The following PPM1M variants were observed in gnomAD, a reference collection of about 807,000 sequenced individuals.
PPM1M encodes protein phosphatase, Mg2+/Mn2+ dependent 1M.
A neutral mutation model predicts 50.8 loss-of-function variants in PPM1M; 44 were observed. That is an observed-to-expected ratio of 0.87 (90% CI 0.68 to 1.11). PPM1M has a LOEUF of 1.11. Ranked by LOEUF, PPM1M falls within the 50% of genes most tolerant of loss-of-function variation. The probability of loss-of-function intolerance (pLI) is 0.00; values close to 1 mark genes in which losing one functional copy is unlikely to be tolerated. For missense variants in PPM1M, 556 were observed against 593.4 expected (o/e 0.94, Z 0.66); for synonymous variants, 224 against 242.9 (o/e 0.92, Z 0.72).
rs908274902 is a variant in PPM1M at position 52,245,990 on chromosome 3, C to G, written c.166C>G (p.Arg56Gly). 1 of 1,244,900 alleles carries G rather than the reference C, an allele frequency of 8.0e-7. No homozygotes were observed. Among genetic ancestry groups the G allele is most frequent in the South Asian group, 1.3e-5 (1 of 75,646 alleles). The allele number at this position is 1,244,900 out of a possible 1,614,324, so 77.1% of individuals were successfully genotyped here. ...CGACGCCTCGCGCCGCCCAGACTCC[C>G]GGCCCGTGCGCAGCCCCGCACGAGG... ...AADASRRPDS[R>G]PVRSPARGRT... The change falls in exon 1 of 10, where the codon CGG becomes GGG. Residue 56 changes from arginine (R) to glycine (G), a missense_variant. By Grantham distance (125) the Arg-to-Gly change is moderately radical (BLOSUM62 -2). Coordinates refer to ENST00000323588, the MANE Select transcript of PPM1M (RefSeq NM_144641.4). The surrounding 1 kb of genome is among the most constrained non-coding windows in gnomAD (Gnocchi z 4.8).
In PPM1M at chr3:52,246,625, G is replaced by A. The variant is rs148142895; in HGVS notation, c.225-70G>A. On this transcript the variant is annotated intron_variant, in intron 1 of 9. Transcript: ENST00000323588. ...AGGGAGGGGTCTTCTCCCTGTGCTGGCTTGGGTCCCTGTGCCCATGGGGAC... is the reference window on the plus strand; with the variant it reads ...AGGGAGGGGTCTTCTCCCTGTGCTGACTTGGGTCCCTGTGCCCATGGGGAC... 6.9e-6 allele frequency: 7 copies of A among 1,020,950 alleles called. No individual in the cohort carries two copies. In the Admixed American group the frequency reaches 9.4e-5, roughly 14 times the overall value. The allele number at this position is 1,020,950 out of a possible 1,614,324, so 63.2% of individuals were successfully genotyped here.
At chr3:52,248,128 C>T in intron 4 of PPM1M, 25 bp from the exon 5 acceptor site, 1 of 1,591,350 alleles carries the variant, frequency 6.3e-7, no homozygotes. Context: ...TCCTCCTAGA[C>T]CTCTCCCTTC....
intron 9 of PPM1M, 61 bp downstream of exon 9, chr3:52,249,383 G>C (rs764517366): frequency 1.3e-6 from 2 of 1,545,432 alleles, no homozygotes; most frequent in South Asian, 1.2e-5. Context: ...AGCCCAAGTA[G>C]TTATGGCTGA....
At chr3:52,246,654 GGT>G (rs1475109570) in intron 1 of PPM1M, 39 bp from the exon 2 acceptor site, 4 of 1,220,832 alleles carry the variant, frequency 3.3e-6, no homozygotes, top group African/African-American at 1.6e-5. Flanking sequence ...TGGGGACATA[GGT>G]GTGTCCCTGG....
At chr3:52,249,117 G>A in intron 8 of PPM1M, 54 bp downstream of exon 8, 1 of 1,610,238 alleles carries the variant, frequency 6.2e-7, no homozygotes, top group Admixed American at 1.7e-5. Flanking sequence ...AAGGCAGACA[G>A]TGAGGCTGGT....
chr3:52,248,710 T>C lies in PPM1M; in HGVS notation c.978+10T>C. 2 of 1,613,496 alleles carry C rather than the reference T, an allele frequency of 1.2e-6. No homozygotes were observed. Among genetic ancestry groups the C allele is most frequent in the Non-Finnish European group, 1.7e-6 (2 of 1,179,446 alleles). ...TGGACAGGGTAGGCAGGTCAGTGCC[T>C]GGTCCTCCTCAACCCCAAGAATCCC... On this transcript the variant is annotated intron_variant, in intron 7 of 9. Transcript: ENST00000323588.
intron 4 of PPM1M, 140 bp downstream of exon 4, chr3:52,247,934 G>C: frequency 1.3e-6 from 1 of 744,232 alleles, no homozygotes; most frequent in East Asian, 2.7e-5. Flanking sequence ...GTTATGTGTC[G>C]AGTGTGGACA....
rs1577993149 is a variant in PPM1M, at chr3:52,245,920, A to G, written c.96A>G (p.Arg32=). 1.6e-6 allele frequency: 2 copies of G among 1,232,642 alleles called. No homozygotes were observed. The highest frequency in any genetic ancestry group is 3.3e-5 in the African/African-American group (2 of 60,970). 76.4% of individuals were successfully genotyped at this position (1,232,642 alleles called of 1,614,324 possible). The change falls in exon 1 of 10, where the codon CGA becomes CGG. Residue 32 remains arginine (R), a synonymous_variant. Coordinates refer to ENST00000323588, the MANE Select transcript of PPM1M (RefSeq NM_144641.4). This position sits in a 1 kb window ranked among gnomAD's most constrained non-coding sequence, Gnocchi z 4.8. ...PGPHASPVPY[R]RPRFLRGSSS... Reference sequence around the variant, plus strand: ...CGCATGCCAGCCCCGTGCCCTACCGACGGCCCCGCTTCCTTCGCGGCTCCA... The same window carrying G: ...CGCATGCCAGCCCCGTGCCCTACCGGCGGCCCCGCTTCCTTCGCGGCTCCA...
Position 52,245,839 on chromosome 3 carries a change from G to C in PPM1M, c.15G>C (p.Trp5Cys). ...GCCGCCGCGCCATGTCCGCCGGCTGGTTCCGGCGCCGCTTCCTGCCTGGGG... is the reference window on the plus strand; with the variant it reads ...GCCGCCGCGCCATGTCCGCCGGCTGCTTCCGGCGCCGCTTCCTGCCTGGGG... MSAG[W>C]FRRRFLPGEP... The change falls in exon 1 of 10, where the codon TGG becomes TGC. Residue 5 changes from tryptophan to cysteine, a missense_variant. By Grantham distance (215) the Trp-to-Cys change is radical. Coordinates refer to ENST00000323588, the MANE Select transcript of PPM1M (RefSeq NM_144641.4). This position sits in a 1 kb window ranked among gnomAD's most constrained non-coding sequence, Gnocchi z 4.8. The C allele has an allele frequency of 9.3e-7, 1 of 1,069,538 alleles. No individual in the cohort carries two copies. The highest frequency in any genetic ancestry group is 1.7e-5 in the African/African-American group (1 of 58,448). 66.3% of individuals were successfully genotyped at this position (1,069,538 alleles called of 1,614,324 possible).
intron 1 of PPM1M, 53 bp from the exon 2 acceptor site, chr3:52,246,642 C>T: frequency 8.5e-7 from 1 of 1,169,880 alleles, no homozygotes; most frequent in South Asian, 1.3e-5. Flanking sequence ...TCCCTGTGCC[C>T]ATGGGGACAT....
rs1336269452 is a variant in PPM1M, at chr3:52,245,857, G to A, written c.33G>A (p.Leu11=). Residue 11 remains leucine (L), a synonymous_variant, in exon 1 of 10, where the codon CTG becomes CTA. Coordinates refer to ENST00000323588, the MANE Select transcript of PPM1M (RefSeq NM_144641.4). This position sits in a 1 kb window ranked among gnomAD's most constrained non-coding sequence, Gnocchi z 4.8. ...CCGGCTGGTTCCGGCGCCGCTTCCT[G>A]CCTGGGGAGCCGCTCCCCGCGCCGC... The part of the protein sequence containing the change: MSAGWFRRRF[L]PGEPLPAPRP... 3.4e-4 allele frequency: 366 copies of A among 1,089,842 alleles called. 1 individual carries two copies. The highest frequency in any genetic ancestry group is 3.8e-4 in the Non-Finnish European group (339 of 887,262). 67.5% of individuals were successfully genotyped at this position (1,089,842 alleles called of 1,614,324 possible).
rs1241113878 is a variant in PPM1M at position 52,249,959 on chromosome 3, T to C, written c.*145T>C. Reference sequence around the variant, plus strand: ...CTATCCACCTCAACACACATCCATCTCAAGAGGAACATTTATACCAGGCAG... The same window carrying C: ...CTATCCACCTCAACACACATCCATCCCAAGAGGAACATTTATACCAGGCAG... On this transcript the variant is annotated 3_prime_UTR_variant, in exon 10 of 10. Transcript: ENST00000323588. 2.9e-6 allele frequency: 2 copies of C among 701,324 alleles called. No individual in the cohort carries two copies. The highest frequency in any genetic ancestry group is 3.5e-5 in the African/African-American group (2 of 56,566). The allele number at this position is 701,324 out of a possible 1,614,324, so 43.4% of individuals were successfully genotyped here.
intron 7 of PPM1M, 90 bp downstream of exon 7, chr3:52,248,790 G>A: frequency 5.5e-6 from 8 of 1,448,006 alleles, no homozygotes; most frequent in Non-Finnish European, 7.8e-6. Context: ...TGGTAGCTGT[G>A]GCTGGTGGCC....
chr3:52,245,894 C>A lies in PPM1M; in HGVS notation c.70C>A (p.Pro24Thr). Residue 24 changes from proline to threonine, a missense_variant, in exon 1 of 10, where the codon CCG becomes ACG. Physicochemically the swap from Pro to Thr is conservative, Grantham distance 38. Coordinates refer to ENST00000323588, the MANE Select transcript of PPM1M (RefSeq NM_144641.4). The surrounding 1 kb of genome is among the most constrained non-coding windows in gnomAD (Gnocchi z 4.8). Reference protein sequence around the residue: ...EPLPAPRPPGPHASPVPYRRP... With the variant: ...EPLPAPRPPGTHASPVPYRRP... ...GCTCCCCGCGCCGCGGCCGCCTGGG[C>A]CGCATGCCAGCCCCGTGCCCTACCG... 3 of 1,148,802 alleles carry A rather than the reference C, an allele frequency of 2.6e-6. No individual in the cohort carries two copies. The highest frequency in any genetic ancestry group is 3.3e-6 in the Non-Finnish European group (3 of 915,766). The allele number at this position is 1,148,802 out of a possible 1,614,324, so 71.2% of individuals were successfully genotyped here.
chr3:52,247,480 G>A, intron 3 of PPM1M: 1 of 671,108 alleles, frequency 1.5e-6, no homozygotes, highest in Admixed American at 2.9e-5. Flanking sequence ...TGGTGCAGGG[G>A]CTGGTTTCTC....
At chr3:52,248,730 A>G in intron 7 of PPM1M, 30 bp downstream of exon 7, 1 of 1,608,992 alleles carries the variant, frequency 6.2e-7, no homozygotes, top group Non-Finnish European at 8.5e-7. Context: ...CAACCCCAAG[A>G]ATCCCTCTTC....
rs1051749851 is a variant in PPM1M, at chr3:52,247,684, T to C, written c.600T>C (p.Asp200=). Residue 200 remains aspartate, a splice_region_variant and synonymous_variant, in exon 4 of 10, where the codon GAT becomes GAC. Transcript: ENST00000323588. ...AAGGTGGCCTCGGTTTTCCCCAGGA[T>C]GAGGTGATCGGGCGGGAGCTGGAGG... is the stretch of plus-strand genomic sequence containing the variant. ...GALESAFQEC[D]EVIGRELEAS... The C allele has an allele frequency of 1.3e-6, 2 of 1,594,702 alleles. No individual in the cohort carries two copies. The highest frequency in any genetic ancestry group is 1.7e-6 in the Non-Finnish European group (2 of 1,169,666).
chr3:52,248,524 C>G, intron 6 of PPM1M, 71 bp downstream of exon 6: 1 of 1,588,504 alleles, frequency 6.3e-7, no homozygotes. Flanking sequence ...GGCCTGGGGC[C>G]CCCCTCCACC....
At position 52,247,518 on chromosome 3, in the gene PPM1M, T is replaced by C. The variant is rs1460456879; in HGVS notation, c.598-164T>C. Reference sequence around the variant, plus strand: ...CCTATTTTGAGTAGCACTTCCCTTGTCTAGATCTCCTGACTGCAGGGATCT... The same window carrying C: ...CCTATTTTGAGTAGCACTTCCCTTGCCTAGATCTCCTGACTGCAGGGATCT... On this transcript the variant is annotated intron_variant, in intron 3 of 9. Transcript: ENST00000323588. 4.5e-6 allele frequency: 3 copies of C among 666,640 alleles called. No homozygotes were observed. The East Asian group carries it at 8.2e-5, about 18-fold the overall frequency. The allele number at this position is 666,640 out of a possible 1,614,324, so 41.3% of individuals were successfully genotyped here. A position where few individuals can be genotyped will look rare whatever the true frequency, so the allele number is the denominator to read the frequency against.
Sources: gnomAD v4.1 joint callset for allele counts on GRCh38, gnomAD v4.1.1 for gene constraint, Gnocchi (gnomAD v3.1) non-coding constraint, MANE v1.5 for transcripts, NCBI Gene and HGNC (gene_info 2026-07-23, HGNC 2026-07-21) for gene names.